Variants in PDZRN4 observed in about 807,000 individuals in gnomAD.
PDZRN4 encodes PDZ domain containing ring finger 4.
A neutral mutation model predicts 99.0 loss-of-function variants in PDZRN4; 70 were observed. The ratio of observed to expected loss-of-function variants is 0.71; its 90% confidence interval spans 0.58 to 0.86. The LOEUF is 0.86. Among genes scored for constraint, PDZRN4 ranks in the 40% least tolerant of loss-of-function variants. The pLI, the probability that PDZRN4 is intolerant of heterozygous loss-of-function variation, is 0.00. For synonymous variants in PDZRN4, 551 were observed against 501.6 expected, an observed-to-expected ratio of 1.10 and a Z score of -1.32; for missense variants, 1,474 against 1,331.2, an observed-to-expected ratio of 1.11 and a Z score of -1.67.
At chr12:41,414,569 A>G (rs1031379554) in intron 3 of PDZRN4, among the ~76,000 whole-genome samples, 1 of 152,134 alleles carries the variant, frequency 6.6e-6, no homozygotes, top group Non-Finnish European at 1.5e-5. Context: ...AAGTATAAAA[A>G]GGAAAAGAAA....
At chr12:41,193,789 A>G (rs1566349069) in intron 2 of PDZRN4, among the ~76,000 whole-genome samples, 1 of 152,212 alleles carries the variant, frequency 6.6e-6, no homozygotes, top group Non-Finnish European at 1.5e-5. Flanking sequence ...AATAATACTT[A>G]AAAGCCAGTT....
intron 3 of PDZRN4, among the ~76,000 whole-genome samples, chr12:41,278,458 A>G (rs1463193134): frequency 6.6e-6 from 1 of 152,192 alleles, no homozygotes; most frequent in Admixed American, 6.5e-5. Flanking sequence ...ACAAAAGATT[A>G]CTTTGTGTAA....
rs966860570 is a variant in PDZRN4 at position 41,507,386 on chromosome 12, A to G, written c.1100+674A>G. Among the ~76,000 whole-genome samples, 4 of 152,172 alleles carry G rather than the reference A, an allele frequency of 2.6e-5. No homozygotes were observed. In the South Asian group the frequency reaches 6.2e-4, roughly 24 times the overall value. On this transcript the variant is annotated intron_variant, in intron 4 of 9. Transcript: ENST00000402685. ...ACAGTTTTAAAAGTATGCTTGCCCAATTCATTGTGTTCTGTGAGCTTTCGA... is the reference window on the plus strand; with the variant it reads ...ACAGTTTTAAAAGTATGCTTGCCCAGTTCATTGTGTTCTGTGAGCTTTCGA...
chr12:41,200,410 CA>C (rs1004788974), intron 3 of PDZRN4, among the ~76,000 whole-genome samples: 74 of 152,074 alleles, frequency 4.9e-4, no homozygotes, highest in Non-Finnish European at 5.0e-4. Context: ...TGTTAGCCTA[CA>C]AAAAAAGACT....
At chr12:41,351,620 C>A (rs1210297090) in intron 3 of PDZRN4, among the ~76,000 whole-genome samples, 1 of 151,788 alleles carries the variant, frequency 6.6e-6, no homozygotes, top group Non-Finnish European at 1.5e-5. Flanking sequence ...TTCAAACAAC[C>A]AAATCTCATG....
At chr12:41,452,833 A>G (rs1288681818) in intron 3 of PDZRN4, among the ~76,000 whole-genome samples, 1 of 152,180 alleles carries the variant, frequency 6.6e-6, no homozygotes, top group African/African-American at 2.4e-5. Context: ...ATTTGCTGCA[A>G]CGAAAAAGTG....
chr12:41,305,526 T>C (rs1951563397), intron 3 of PDZRN4, among the ~76,000 whole-genome samples: 1 of 152,128 alleles, frequency 6.6e-6, no homozygotes, highest in Non-Finnish European at 1.5e-5. Flanking sequence ...GTATCTTGTG[T>C]GGGCTGCCTT....
At chr12:41,373,413 A>C (rs1443730822) in intron 3 of PDZRN4, among the ~76,000 whole-genome samples, 2 of 152,068 alleles carry the variant, frequency 1.3e-5, no homozygotes, top group African/African-American at 4.8e-5. Flanking sequence ...GCCGCCCCTG[A>C]AGCAGCCATT....
At chr12:41,570,382 CTA>C (rs1939451767) in intron 9 of PDZRN4, among the ~76,000 whole-genome samples, 1 of 152,034 alleles carries the variant, frequency 6.6e-6, no homozygotes. Context: ...GAATAGAAAA[CTA>C]TTTTATTTTC....
At chr12:41,340,508 A>T (rs1951808100) in intron 3 of PDZRN4, among the ~76,000 whole-genome samples, 1 of 151,952 alleles carries the variant, frequency 6.6e-6, no homozygotes, top group South Asian at 2.1e-4. Context: ...AATGAATAAG[A>T]TCTAGTATTT....
chr12:41,204,280 T>C (rs1566357654), intron 3 of PDZRN4, among the ~76,000 whole-genome samples: 1 of 151,950 alleles, frequency 6.6e-6, no homozygotes, highest in Non-Finnish European at 1.5e-5. Flanking sequence ...ATGGTATTGG[T>C]TCAAAGAGGT....
chr12:41,287,327 G>A (rs1951428391), intron 3 of PDZRN4, among the ~76,000 whole-genome samples: 1 of 152,146 alleles, frequency 6.6e-6, no homozygotes, highest in African/African-American at 2.4e-5. Context: ...CTAAATAGAT[G>A]AACTCTAAGA....
intron 5 of PDZRN4, among the ~76,000 whole-genome samples, chr12:41,545,356 T>C (rs892187449): frequency 1.3e-5 from 2 of 152,158 alleles, no homozygotes; most frequent in Non-Finnish European, 2.9e-5. Flanking sequence ...GGTCAATGTT[T>C]CTCTGTTTGG....
chr12:41,431,144 T>G (rs1952583246), intron 3 of PDZRN4, among the ~76,000 whole-genome samples: 1 of 152,154 alleles, frequency 6.6e-6, no homozygotes. Flanking sequence ...GGGACACAGA[T>G]CCAAACCATA....
chr12:41,327,559 T>C (rs1951718023), intron 3 of PDZRN4, among the ~76,000 whole-genome samples: 1 of 152,168 alleles, frequency 6.6e-6, no homozygotes. Flanking sequence ...TATGTGTAGC[T>C]TGTGAAGTAG....
intron 3 of PDZRN4, chr12:41,409,585 A>G (rs1250052809): frequency 1.3e-5 from 2 of 152,256 alleles, no homozygotes; most frequent in Non-Finnish European, 2.9e-5. Context: ...ATTCAGAAAT[A>G]CCAACGTATG....
intron 3 of PDZRN4, among the ~76,000 whole-genome samples, chr12:41,423,129 T>A (rs185798941): frequency 6.6e-6 from 1 of 152,024 alleles, no homozygotes; most frequent in East Asian, 1.9e-4. Flanking sequence ...GTTAGATAAA[T>A]CTTTTTTTAT....
chr12:41,327,091 A>T lies in PDZRN4; in HGVS notation c.843+132903A>T, dbSNP rs139792167. Among the ~76,000 whole-genome samples the T allele has an allele frequency of 4.6e-3, 693 of 152,202 alleles. 5 individuals carry two copies. Among genetic ancestry groups the T allele is most frequent in the Non-Finnish European group, 7.4e-3 (503 of 68,016 alleles). On this transcript the variant is annotated intron_variant, in intron 3 of 9. Coordinates refer to ENST00000402685, the MANE Select transcript of PDZRN4 (RefSeq NM_001164595.2). Reference sequence around the variant, plus strand: ...TTGTTTCTGTATTCCCTGGTTTTCTACCATTAAGAAGGCTTTGTTTCTTTC... The same window carrying T: ...TTGTTTCTGTATTCCCTGGTTTTCTTCCATTAAGAAGGCTTTGTTTCTTTC...
chr12:41,466,476 T>C (rs909621751), intron 3 of PDZRN4, among the ~76,000 whole-genome samples: 5 of 152,176 alleles, frequency 3.3e-5, no homozygotes, highest in African/African-American at 1.2e-4. Flanking sequence ...GCTGTGTTAG[T>C]TGTAATGAAA....
Sources: gnomAD v4.1 joint callset for allele counts (sites outside exome capture counted in the v4.1 genomes callset) on GRCh38, gnomAD v4.1.1 for gene constraint, MANE v1.5 for transcripts, NCBI Gene and HGNC (gene_info 2026-07-23, HGNC 2026-07-21) for gene names.